The following KIF13A variants were observed in gnomAD, a reference collection of about 807,000 sequenced individuals.
KIF13A encodes the protein kinesin-like protein KIF13A.
Under a neutral mutation model 212.2 loss-of-function variants are expected in KIF13A, and 79 were observed. The ratio of observed to expected loss-of-function variants is 0.37; its 90% CI spans 0.31 to 0.45. The LOEUF (loss-of-function observed/expected upper bound fraction) is 0.45. Among genes scored for constraint, KIF13A ranks in the 20% least tolerant of loss-of-function variants. KIF13A has a pLI of 1.00. For missense variants in KIF13A, 1,901 were observed against 2,209.0 expected (o/e 0.86, Z 2.79); for synonymous variants, 789 against 808.6 (o/e 0.98, Z 0.41).
At chr6:17,859,019 G>GT (rs1768436316) in intron 4 of KIF13A, among the ~76,000 whole-genome samples, 1 of 152,146 alleles carries the variant, frequency 6.6e-6, no homozygotes, top group Admixed American at 6.5e-5. Context: ...ATCTATTCCT[G>GT]TATCAGGTAG....
chr6:17,932,538 A>G (rs569361484), intron 2 of KIF13A, among the ~76,000 whole-genome samples: 3 of 152,308 alleles, frequency 2.0e-5, no homozygotes, highest in African/African-American at 7.2e-5. Context: ...CTGTGAATCT[A>G]TTTTGGGGTT....
At position 17,853,981 on chromosome 6, in the gene KIF13A, C is replaced by T. The variant is rs959765270; in HGVS notation, c.494+1456G>A. Among the ~76,000 whole-genome samples the T allele has an allele frequency of 1.4e-4, 22 of 152,028 alleles. 1 individual carries two copies. The highest frequency in any genetic ancestry group is 5.3e-4 in the African/African-American group (22 of 41,402). On this transcript the variant is annotated intron_variant, in intron 6 of 38. Coordinates refer to ENST00000259711, the MANE Select transcript of KIF13A (RefSeq NM_022113.6). ...CATTTATTAAGCCAATGTAGGTAGG[C>T]AGTTGTTTTTATTACTCTTTATGCC...
chr6:17,780,645 A>T, intron 31 of KIF13A, 85 bp downstream of exon 31: 1 of 1,306,010 alleles, frequency 7.7e-7, no homozygotes, highest in East Asian at 2.3e-5. Flanking sequence ...ACATCACAGC[A>T]CCAAAAAACA....
In KIF13A at chr6:17,800,112, A is replaced by G; in HGVS notation, c.2456T>C (p.Val819Ala). 6.2e-7 allele frequency: 1 copy of G among 1,613,278 alleles called. No homozygotes were observed. The highest frequency in any genetic ancestry group is 1.3e-5 in the African/African-American group (1 of 75,026). The stretch of plus-strand genomic sequence containing the variant: ...CACTTCCACGTGGAGACGCCCTGCA[A>G]CCTGGGTCAAGGAACCAGAGCACCT... ...AVPIISQQGE[V>A]AGRLHVEVMR... Residue 819 changes from valine to alanine, a missense_variant and splice_region_variant, in exon 21 of 39, where the codon GTT (valine) becomes GCT (alanine). Around this residue, in one of 5 missense-constraint regions of KIF13A, gnomAD observed 534 missense variants for 536.9 expected, o/e 0.99. Transcript: ENST00000259711.
chr6:17,910,682 A>G (rs1413013179), intron 2 of KIF13A, among the ~76,000 whole-genome samples: 3 of 152,230 alleles, frequency 2.0e-5, no homozygotes, highest in African/African-American at 7.2e-5. Context: ...GAAGCAATAA[A>G]CTTCTGAAAT....
At position 17,773,458 on chromosome 6, in the gene KIF13A, C is replaced by T. The variant is rs367717849; in HGVS notation, c.4324+20G>A. The T allele has an allele frequency of 4.2e-5, 59 of 1,401,428 alleles. No individual in the cohort carries two copies. The highest frequency in any genetic ancestry group is 5.9e-5 in the Non-Finnish European group (59 of 992,310). 86.8% of individuals were successfully genotyped at this position (1,401,428 alleles called of 1,614,324 possible). ...AAGTAATTACAAAGAAATATCACTG[C>T]AAAATAATCTCACCACTACCTTCTT... On this transcript the variant is annotated intron_variant, in intron 36 of 38. Transcript: ENST00000259711. This position sits in a 1 kb window ranked among gnomAD's most constrained non-coding sequence, Gnocchi z 4.2.
chr6:17,853,691 T>G (rs1430845688), intron 6 of KIF13A, among the ~76,000 whole-genome samples: 1 of 152,104 alleles, frequency 6.6e-6, no homozygotes, highest in Non-Finnish European at 1.5e-5. Flanking sequence ...AATAAATGAA[T>G]CACGGTGGGG....
In KIF13A at chr6:17,971,556, G is replaced by C. The variant is rs1779808491; in HGVS notation, c.146+15498C>G. ...CCCATTTCAGCCCTGCAAGTAGCTG[G>C]GACTACAAGTGAGCACTACTACCAC... On this transcript the variant is annotated intron_variant, in intron 2 of 38. Coordinates refer to ENST00000259711, the MANE Select transcript of KIF13A (RefSeq NM_022113.6). The surrounding 1 kb of genome is among the most constrained non-coding windows in gnomAD (Gnocchi z 4.2). Among the ~76,000 whole-genome samples the C allele has an allele frequency of 6.6e-6, 1 of 151,846 alleles. No individual in the cohort carries two copies. Among genetic ancestry groups the C allele is most frequent in the South Asian group, 2.1e-4 (1 of 4,806 alleles).
rs1772889614 is a variant in KIF13A at position 17,899,692 on chromosome 6, T to G, written c.147-1512A>C. 6.6e-6 allele frequency among the ~76,000 whole-genome samples: 1 copy of G among 152,122 alleles called. No individual in the cohort carries two copies. The highest frequency in any genetic ancestry group is 6.6e-5 in the Admixed American group (1 of 15,266). ...ATGTCATTCCCTCAGACAGACACAA[T>G]GGGAATGTGATTTTTGTCTTCAGGT... On this transcript the variant is annotated intron_variant, in intron 2 of 38. Transcript: ENST00000259711. This position sits in a 1 kb window ranked among gnomAD's most constrained non-coding sequence, Gnocchi z 5.2.
In KIF13A at chr6:17,828,549, T is replaced by TA. The variant is rs139145232; in HGVS notation, c.1402-180dup. The stretch of plus-strand genomic sequence containing the variant: ...AACGCTTACCCTTAATACACCAAAT[T>TA]AAAAAAAAATGTTTAAACACTACCA... On this transcript the variant is annotated intron_variant, in intron 13 of 38. Transcript: ENST00000259711. The surrounding 1 kb of genome is among the most constrained non-coding windows in gnomAD (Gnocchi z 4.3). Among the ~76,000 whole-genome samples, 4 of 151,130 alleles carry TA rather than the reference T, an allele frequency of 2.6e-5. No homozygotes were observed. The highest frequency in any genetic ancestry group is 4.4e-5 in the Non-Finnish European group (3 of 67,744).
chr6:17,843,153 A>G lies in KIF13A; in HGVS notation c.831-5570T>C, dbSNP rs1002925670. Among the ~76,000 whole-genome samples, 11 of 152,184 alleles carry G rather than the reference A, an allele frequency of 7.2e-5. No individual in the cohort carries two copies. The highest frequency in any genetic ancestry group is 1.6e-4 in the Non-Finnish European group (11 of 68,034). ...TTTGCCATACACATTCCTCCATGCA[A>G]TTACTGTGCTTGGTTTATGACTGAA... On this transcript the variant is annotated intron_variant, in intron 9 of 38. Transcript: ENST00000259711. The surrounding 1 kb of genome is among the most constrained non-coding windows in gnomAD (Gnocchi z 5.3).
chr6:17,858,518 T>A (rs942620859), intron 4 of KIF13A, among the ~76,000 whole-genome samples: 5 of 152,218 alleles, frequency 3.3e-5, no homozygotes, highest in Admixed American at 1.3e-4. Flanking sequence ...TTCATACACA[T>A]TAATATTTAT....
Position 17,772,039 on chromosome 6 carries a change from G to A in KIF13A, c.4345C>T (p.His1449Tyr). 1.2e-6 allele frequency: 2 copies of A among 1,613,944 alleles called. No homozygotes were observed. Among genetic ancestry groups the A allele is most frequent in the Non-Finnish European group, 1.7e-6 (2 of 1,179,828 alleles). Residue 1449 changes from histidine to tyrosine, a missense_variant, in exon 37 of 39, where the codon CAT (histidine) becomes TAT (tyrosine). Physicochemically the swap from His to Tyr is moderately conservative, Grantham distance 83. This residue lies in a region of KIF13A where 687 missense variants were observed against 759.1 expected (regional missense o/e 0.90). Coordinates refer to ENST00000259711, the MANE Select transcript of KIF13A (RefSeq NM_022113.6). This position sits in a 1 kb window ranked among gnomAD's most constrained non-coding sequence, Gnocchi z 4.8. ...NKEGCTSETP[H>Y]ALTVSPFKAF... The stretch of plus-strand genomic sequence containing the variant: ...TTAAAAGGGCTGACGGTTAAGGCAT[G>A]AGGAGTCTCTGATGTACAACCTAGG...
intron 2 of KIF13A, among the ~76,000 whole-genome samples, chr6:17,932,748 G>C (rs1478357470): frequency 6.6e-6 from 1 of 151,510 alleles, no homozygotes; most frequent in East Asian, 2.0e-4. Context: ...CAGAGGCCTT[G>C]ACTCAGATAG....
chr6:17,821,638 A>AG, intron 16 of KIF13A: 5 of 748,194 alleles, frequency 6.7e-6, no homozygotes, highest in Non-Finnish European at 1.0e-5. Flanking sequence ...AATGAAGAAT[A>AG]CAGAACACCT....
intron 2 of KIF13A, among the ~76,000 whole-genome samples, chr6:17,902,348 A>G (rs1299109850): frequency 6.6e-6 from 1 of 152,226 alleles, no homozygotes; most frequent in Non-Finnish European, 1.5e-5. Flanking sequence ...GTATTTTTGT[A>G]TATTCCAAAT....
intron 16 of KIF13A, among the ~76,000 whole-genome samples, chr6:17,819,171 T>C (rs1764217848): frequency 6.6e-6 from 1 of 151,960 alleles, no homozygotes; most frequent in South Asian, 2.1e-4. Context: ...GGCTAATTTT[T>C]TGTATTTTTA....
At chr6:17,910,980 G>A (rs554037417) in intron 2 of KIF13A, among the ~76,000 whole-genome samples, 2 of 152,200 alleles carry the variant, frequency 1.3e-5, no homozygotes, top group South Asian at 4.2e-4. Flanking sequence ...AGCCAGGATG[G>A]TCTCGATCTC....
chr6:17,777,227 G>A lies in KIF13A; in HGVS notation c.4170+50C>T, dbSNP rs1470337089. The A allele has an allele frequency of 6.9e-7, 1 of 1,457,672 alleles. No homozygotes were observed. Among genetic ancestry groups the A allele is most frequent in the Non-Finnish European group, 9.5e-7 (1 of 1,050,676 alleles). 90.3% of individuals were successfully genotyped at this position (1,457,672 alleles called of 1,614,324 possible). A position where few individuals can be genotyped will look rare whatever the true frequency, so the allele number is the denominator to read the frequency against. On this transcript the variant is annotated intron_variant, in intron 34 of 38. Transcript: ENST00000259711. This position sits in a 1 kb window ranked among gnomAD's most constrained non-coding sequence, Gnocchi z 4.4. The stretch of plus-strand genomic sequence containing the variant: ...GTGAATCCCACCTTCCCCCACCCCA[G>A]AGGCTGCGACATGTCACATAGGAGC...
Sources: allele counts gnomAD v4.1 joint callset (sites outside exome capture counted in the v4.1 genomes callset), GRCh38; gene constraint gnomAD v4.1.1; regional missense constraint gnomAD v4.1.1; non-coding constraint Gnocchi (gnomAD v3.1); transcripts MANE v1.5; gene names NCBI Gene and HGNC (gene_info 2026-07-23, HGNC 2026-07-21).